MMS22L: variants seen among roughly 807,000 people sequenced by gnomAD.
MMS22L encodes the protein MMS22 like, DNA repair protein.
MMS22L carries 74 observed loss-of-function variants against 159.1 expected under a neutral mutation model. The ratio of observed to expected loss-of-function variants is 0.47; its 90% CI spans 0.39 to 0.56. The LOEUF (loss-of-function observed/expected upper bound fraction) is 0.56. Ranked by LOEUF, MMS22L falls within the 20% of genes least tolerant of loss-of-function variation. The pLI is 0.00. For synonymous variants in MMS22L, 517 were observed against 506.9 expected, an observed-to-expected ratio of 1.02 and a Z score of -0.27; for missense variants, 1,351 against 1,422.1, an observed-to-expected ratio of 0.95 and a Z score of 0.80.
intron 9 of MMS22L, among the ~76,000 whole-genome samples, chr6:97,257,415 A>G (rs900691371): frequency 4.6e-5 from 7 of 152,112 alleles, no homozygotes; most frequent in African/African-American, 1.7e-4. Context: ...ATATTTTTAG[A>G]GTATACCAGT....
At chr6:97,263,708 C>CTTT in intron 8 of MMS22L, 1 of 227,848 alleles carries the variant, frequency 4.4e-6, no homozygotes, top group Non-Finnish European at 8.3e-6. Flanking sequence ...CAAACTTTCT[C>CTTT]TTTTTTTTTT....
chr6:97,167,839 A>G (rs990104771), intron 20 of MMS22L, among the ~76,000 whole-genome samples: 4 of 152,020 alleles, frequency 2.6e-5, no homozygotes, highest in East Asian at 1.9e-4. Flanking sequence ...GCACACTACC[A>G]TAAGTGTCTG....
At chr6:97,264,832 T>C (rs1336574384) in intron 8 of MMS22L, 1 of 151,914 alleles carries the variant, frequency 6.6e-6, no homozygotes, top group Non-Finnish European at 1.5e-5. Flanking sequence ...AGGGATAAAT[T>C]TAACCAAAGA....
intron 14 of MMS22L, among the ~76,000 whole-genome samples, chr6:97,211,045 G>A (rs907778455): frequency 2.0e-5 from 3 of 151,922 alleles, no homozygotes; most frequent in Non-Finnish European, 4.4e-5. Flanking sequence ...CTCTACAAGT[G>A]CAGGAACATT....
At chr6:97,198,847 C>T (rs1806825901) in intron 14 of MMS22L, among the ~76,000 whole-genome samples, 2 of 152,064 alleles carry the variant, frequency 1.3e-5, no homozygotes, top group African/African-American at 4.8e-5. Flanking sequence ...GCACAGAACA[C>T]CTATATGAAA....
intron 22 of MMS22L, among the ~76,000 whole-genome samples, chr6:97,153,364 CTTTTTTTTT>C (rs59258093): frequency 6.4e-5 from 5 of 78,102 alleles, no homozygotes; most frequent in Admixed American, 1.7e-4. Flanking sequence ...CTCTACAGAT[CTTTTTTTTT>C]TTTTTTTTTT....
chr6:97,189,028 CT>C (rs1805563038), intron 14 of MMS22L, among the ~76,000 whole-genome samples: 1 of 151,302 alleles, frequency 6.6e-6, no homozygotes, highest in Non-Finnish European at 1.5e-5. Context: ...AGAAAAGGGG[CT>C]GGAAAAGCCA....
chr6:97,151,734 A>C, intron 23 of MMS22L, 37 bp downstream of exon 23: 11 of 1,534,388 alleles, frequency 7.2e-6, no homozygotes, highest in Non-Finnish European at 9.9e-6. Context: ...AATGGCTGGC[A>C]ATAGTTTCCT....
At chr6:97,208,909 C>T (rs761910464) in intron 14 of MMS22L, among the ~76,000 whole-genome samples, 1 of 152,110 alleles carries the variant, frequency 6.6e-6, no homozygotes, top group East Asian at 1.9e-4. Context: ...ACATTTAACC[C>T]GTCCCAACTT....
intron 24 of MMS22L, among the ~76,000 whole-genome samples, chr6:97,147,244 C>T (rs1013556046): frequency 7.2e-5 from 11 of 152,000 alleles, no homozygotes; most frequent in Non-Finnish European, 1.5e-4. Flanking sequence ...GTATCACAAG[C>T]GTAAGTATTA....
chr6:97,280,479 C>T (rs1182828103), intron 3 of MMS22L, among the ~76,000 whole-genome samples: 2 of 152,118 alleles, frequency 1.3e-5, no homozygotes, highest in Non-Finnish European at 1.5e-5. Context: ...ATTACAGACG[C>T]ATGCCATCAC....
intron 8 of MMS22L, chr6:97,264,640 T>C (rs1316785023): frequency 1.3e-5 from 2 of 152,120 alleles, no homozygotes; most frequent in South Asian, 2.1e-4. Context: ...CTTTTATATA[T>C]AGAAACCTCT....
At chr6:97,206,785 A>G (rs1807838481) in intron 14 of MMS22L, among the ~76,000 whole-genome samples, 1 of 152,142 alleles carries the variant, frequency 6.6e-6, no homozygotes, top group African/African-American at 2.4e-5. Context: ...GGACCATATC[A>G]AATTTACTCA....
chr6:97,262,713 G>T (rs888033003), intron 9 of MMS22L, among the ~76,000 whole-genome samples: 8 of 149,832 alleles, frequency 5.3e-5, no homozygotes, highest in African/African-American at 2.0e-4. Context: ...CAGAAAACTG[G>T]AAAATTTTAA....
intron 14 of MMS22L, among the ~76,000 whole-genome samples, chr6:97,218,153 C>G (rs1246482689): frequency 1.3e-5 from 2 of 152,146 alleles, no homozygotes; most frequent in African/African-American, 4.8e-5. Context: ...GGAAAACACA[C>G]TGAATTTTTC....
chr6:97,202,142 T>G (rs988442550), intron 14 of MMS22L, among the ~76,000 whole-genome samples: 2 of 152,204 alleles, frequency 1.3e-5, no homozygotes, highest in Non-Finnish European at 2.9e-5. Flanking sequence ...ACATATATTT[T>G]GCTGTGTACT....
At chr6:97,273,773 T>C (rs1815989100) in intron 4 of MMS22L, among the ~76,000 whole-genome samples, 1 of 152,186 alleles carries the variant, frequency 6.6e-6, no homozygotes, top group Non-Finnish European at 1.5e-5. Flanking sequence ...TAACCAAATA[T>C]ACATTGAAAC....
chr6:97,231,992 A>G (rs1252153903), intron 12 of MMS22L, among the ~76,000 whole-genome samples: 1 of 152,086 alleles, frequency 6.6e-6, no homozygotes, highest in Non-Finnish European at 1.5e-5. Context: ...CTTGTTTTTA[A>G]TATCAGGTCA....
Position 97,144,801 on chromosome 6 carries a change from A to G in MMS22L, c.*2005T>C, listed in dbSNP as rs1268530643. On this transcript the variant is annotated 3_prime_UTR_variant, in exon 25 of 25. Coordinates refer to ENST00000683635, the MANE Select transcript of MMS22L (RefSeq NM_001350599.2). Reference sequence around the variant, plus strand: ...CAATTTAAAAAAAAGCTTTAAAAAAAGTTACTTATACATAAATACAAAACA... The same window carrying G: ...CAATTTAAAAAAAAGCTTTAAAAAAGGTTACTTATACATAAATACAAAACA... 2.0e-5 allele frequency: 3 copies of G among 152,180 alleles called. No homozygotes were observed. Among genetic ancestry groups the G allele is most frequent in the Non-Finnish European group, 4.4e-5 (3 of 68,028 alleles). The allele number at this position is 152,180 out of a possible 1,614,324, so 9.4% of individuals were successfully genotyped here. A position where few individuals can be genotyped will look rare whatever the true frequency, so the allele number is the denominator to read the frequency against.
Sources: gnomAD v4.1 joint callset for allele counts (sites outside exome capture counted in the v4.1 genomes callset) on GRCh38, gnomAD v4.1.1 for gene constraint, MANE v1.5 for transcripts, NCBI Gene and HGNC (gene_info 2026-07-23, HGNC 2026-07-21) for gene names.